Variants in VIPR2 observed in about 807,000 individuals in gnomAD.
VIPR2 encodes the protein vasoactive intestinal peptide receptor 2.
VIPR2 carries 48 observed loss-of-function variants against 58.0 expected under a neutral mutation model. The observed-to-expected ratio is 0.83, with a 90% confidence interval of 0.66 to 1.05. The LOEUF is 1.05. Among genes scored for constraint, VIPR2 ranks in the 50% least tolerant of loss-of-function variants. The probability of loss-of-function intolerance (pLI) is 0.00; values close to 1 mark genes in which losing one functional copy is unlikely to be tolerated. For synonymous variants in VIPR2, 243 were observed against 235.2 expected, an observed-to-expected ratio of 1.03 and a Z score of -0.30; for missense variants, 534 against 558.0, an observed-to-expected ratio of 0.96 and a Z score of 0.43.
chr7:159,048,109 GAACC>G (rs1854761888), intron 5 of VIPR2, among the ~76,000 whole-genome samples: 1 of 152,082 alleles, frequency 6.6e-6, no homozygotes, highest in Non-Finnish European at 1.5e-5. Flanking sequence ...ACAATCAAGA[GAACC>G]ATTTAAACTG....
At chr7:159,065,157 G>A (rs1020024722) in intron 4 of VIPR2, among the ~76,000 whole-genome samples, 3 of 152,218 alleles carry the variant, frequency 2.0e-5, no homozygotes, top group African/African-American at 7.2e-5. Context: ...TGGAAGATCT[G>A]AGAGCTGAGA....
At chr7:159,036,579 T>C (rs1853972653) in intron 7 of VIPR2, among the ~76,000 whole-genome samples, 173 bp downstream of exon 7, 2 of 152,142 alleles carry the variant, frequency 1.3e-5, no homozygotes, top group African/African-American at 2.4e-5. Flanking sequence ...TTACCAGAAA[T>C]ATTAATGTGT....
intron 4 of VIPR2, among the ~76,000 whole-genome samples, chr7:159,063,305 G>T (rs766755824): frequency 3.3e-5 from 5 of 152,130 alleles, no homozygotes; most frequent in African/African-American, 1.2e-4. Flanking sequence ...CTGAGGCCCC[G>T]CGAGAATTCG....
chr7:159,130,239 T>G (rs1253058924), intron 2 of VIPR2, among the ~76,000 whole-genome samples: 2 of 152,170 alleles, frequency 1.3e-5, no homozygotes, highest in Non-Finnish European at 2.9e-5. Flanking sequence ...GGTTATGGTT[T>G]AAGTGATAAG....
chr7:159,077,416 C>A (rs1856690709), intron 4 of VIPR2, among the ~76,000 whole-genome samples: 1 of 148,912 alleles, frequency 6.7e-6, no homozygotes, highest in South Asian at 2.1e-4. Context: ...AGATTTTAGC[C>A]CTGTTCAATG....
intron 4 of VIPR2, among the ~76,000 whole-genome samples, chr7:159,073,343 A>C (rs1487767740): frequency 6.6e-6 from 1 of 152,222 alleles, no homozygotes; most frequent in Admixed American, 6.5e-5. Context: ...ACATGCTTGC[A>C]ATTAGTACAA....
At chr7:159,143,218 A>G (rs1188226535) in intron 1 of VIPR2, among the ~76,000 whole-genome samples, 3 of 152,176 alleles carry the variant, frequency 2.0e-5, no homozygotes, top group Non-Finnish European at 4.4e-5. Context: ...CTAATGTGAG[A>G]AGAAGGCAGA....
intron 2 of VIPR2, among the ~76,000 whole-genome samples, chr7:159,119,179 C>T (rs1414680362): frequency 6.6e-6 from 1 of 152,204 alleles, no homozygotes. Flanking sequence ...CAATGGGCCG[C>T]AGCTCCCCGG....
At chr7:159,083,869 C>A (rs2730283) in intron 4 of VIPR2, among the ~76,000 whole-genome samples, 131 of 152,224 alleles carry the variant, frequency 8.6e-4, no homozygotes, top group Non-Finnish European at 1.8e-3. Flanking sequence ...GGCCAGGGGG[C>A]TCCTGACTCT....
In VIPR2 at chr7:159,080,204, T is replaced by A. The variant is rs1438407014; in HGVS notation, c.358-21626A>T. On this transcript the variant is annotated intron_variant, in intron 4 of 12. Transcript: ENST00000262178. ...GACCAATATCCTTGATGAACATTGA[T>A]GCAAAAATCCTCAATAAAATACTGG... is the stretch of plus-strand genomic sequence containing the variant. Among the ~76,000 whole-genome samples, 3 of 152,314 alleles carry A rather than the reference T, an allele frequency of 2.0e-5. 1 individual carries two copies. In the South Asian group the frequency reaches 6.2e-4, roughly 32 times the overall value.
chr7:159,096,703 G>A lies in VIPR2; in HGVS notation c.357+7054C>T, dbSNP rs1223940797. On this transcript the variant is annotated intron_variant, in intron 4 of 12. Coordinates refer to ENST00000262178, the MANE Select transcript of VIPR2 (RefSeq NM_003382.5). This position sits in a 1 kb window ranked among gnomAD's most constrained non-coding sequence, Gnocchi z 5.5. ...GGTTAAAACTAAACAGCAGAAAAGT[G>A]CTCATAATCCTGTCTGGTTGTGCCA... is the stretch of plus-strand genomic sequence containing the variant. 3.2e-5 allele frequency: 42 copies of A among 1,299,984 alleles called. No individual in the cohort carries two copies. The highest frequency in any genetic ancestry group is 4.1e-5 in the Non-Finnish European group (41 of 995,484). The allele number at this position is 1,299,984 out of a possible 1,614,324, so 80.5% of individuals were successfully genotyped here.
chr7:159,049,648 G>C (rs1854867720), intron 5 of VIPR2, among the ~76,000 whole-genome samples: 1 of 152,218 alleles, frequency 6.6e-6, no homozygotes. Flanking sequence ...TGAGATGGCT[G>C]TGTGTTGGGT....
intron 2 of VIPR2, among the ~76,000 whole-genome samples, chr7:159,116,072 C>T (rs570210276): frequency 2.4e-4 from 37 of 152,300 alleles, no homozygotes; most frequent in African/African-American, 8.4e-4. Context: ...GCTGACCCCT[C>T]GGACTGACAG....
chr7:159,039,728 G>GAACTGAGAAGTAAAT (rs1242333452), intron 6 of VIPR2, among the ~76,000 whole-genome samples: 5 of 152,206 alleles, frequency 3.3e-5, no homozygotes, highest in Non-Finnish European at 7.3e-5. Context: ...CAGGCCTCCA[G>GAACTGAGAAGTAAAT]AACTGAGAAG....
rs747914292 is a variant in VIPR2, at chr7:159,135,004, G to GTTTTTTTT, written c.151+7434_151+7441dup. The stretch of plus-strand genomic sequence containing the variant: ...TATTGGTCTTCTCTTAATTACAAAA[G>GTTTTTTTT]TTTTTTTTTTTTTTTTTTTTTTTTT... On this transcript the variant is annotated intron_variant, in intron 2 of 12. Coordinates refer to ENST00000262178, the MANE Select transcript of VIPR2 (RefSeq NM_003382.5). Among the ~76,000 whole-genome samples the GTTTTTTTT allele has an allele frequency of 3.4e-3, 225 of 65,870 alleles. 13 individuals carry two copies. Among genetic ancestry groups the GTTTTTTTT allele is most frequent in the Admixed American group, 7.2e-3 (44 of 6,080 alleles). 43.2% of individuals were successfully genotyped at this position (65,870 alleles called of 152,430 possible).
chr7:159,063,736 GCCTGGCGGGATCTGGGGGA>G (rs1305099675), intron 4 of VIPR2, among the ~76,000 whole-genome samples: 2 of 132,136 alleles, frequency 1.5e-5, no homozygotes, highest in Non-Finnish European at 3.2e-5. Context: ...GGGTCGGAGG[GCCTGGCGGGATCTGGGGGA>G]CCTGGCGGGG....
Position 159,043,124 on chromosome 7 carries a change from TGAA to T in VIPR2, c.505_507del (p.Phe169del). 6.2e-7 allele frequency: 1 copy of T among 1,612,878 alleles called. No individual in the cohort carries two copies. The highest frequency in any genetic ancestry group is 8.5e-7 in the Non-Finnish European group (1 of 1,179,854). On this transcript the variant is annotated inframe_deletion, in exon 6 of 13. Transcript: ENST00000262178. ...ACCAGCACTGAGATGGCTCTCAGGATGAAGGACAGGAACAGGTTCAGGTGGATG... is the reference window on the plus strand; with the variant it reads ...ACCAGCACTGAGATGGCTCTCAGGATGGACAGGAACAGGTTCAGGTGGATG...
chr7:159,143,868 C>G (rs1246132897), intron 1 of VIPR2, among the ~76,000 whole-genome samples: 1 of 152,268 alleles, frequency 6.6e-6, no homozygotes. Context: ...CGCCCACCCT[C>G]GAGGGAGGAA....
Position 159,030,782 on chromosome 7 carries a change from C to A in VIPR2, c.1151G>T (p.Cys384Phe). Residue 384 changes from cysteine (C) to phenylalanine (F), a missense_variant, in exon 13 of 13, where the codon TGC becomes TTC. Transcript: ENST00000262178. Reference sequence around the variant, plus strand: ...GCTTCGCCATTTTCGCTTCAGCTCGCACTGCACCTGGGAGGTGAGGGCAGC... The same window carrying A: ...GCTTCGCCATTTTCGCTTCAGCTCGAACTGCACCTGGGAGGTGAGGGCAGC... ...LYCFLNSEVQ[C>F]ELKRKWRSRC... The A allele has an allele frequency of 6.3e-7, 1 of 1,591,702 alleles. No homozygotes were observed. The highest frequency in any genetic ancestry group is 1.7e-5 in the Admixed American group (1 of 58,486).
Sources: allele counts gnomAD v4.1 joint callset (sites outside exome capture counted in the v4.1 genomes callset), GRCh38; gene constraint gnomAD v4.1.1; non-coding constraint Gnocchi (gnomAD v3.1); transcripts MANE v1.5; gene names NCBI Gene and HGNC (gene_info 2026-07-23, HGNC 2026-07-21).